The following FGD4 variants were observed in gnomAD, a reference collection of about 807,000 sequenced individuals.
FGD4 encodes FYVE, RhoGEF and PH domain containing 4, also known as FYVE, RhoGEF and PH domain-containing protein 4.
A neutral mutation model predicts 102.0 loss-of-function variants in FGD4; 42 were observed. That is an observed-to-expected ratio of 0.41 (90% CI 0.32 to 0.53). The LOEUF (loss-of-function observed/expected upper bound fraction) is 0.53. Among genes scored for constraint, FGD4 ranks in the 20% least tolerant of loss-of-function variants. FGD4 has a pLI of 0.21. For synonymous variants in FGD4, 380 were observed against 375.7 expected (o/e 1.01, Z -0.13); for missense variants, 902 against 1,078.2 (o/e 0.84, Z 2.29).
chr12:32,403,291 G>T (rs1324389253), intron 1 of FGD4, among the ~76,000 whole-genome samples: 1 of 152,126 alleles, frequency 6.6e-6, no homozygotes, highest in African/African-American at 2.4e-5. Flanking sequence ...TGAATGTGAA[G>T]CTCCCCATTT....
At chr12:32,453,222 TATAGATATATA>T (rs1565749128) in intron 1 of FGD4, among the ~76,000 whole-genome samples, 63 of 48,292 alleles carry the variant, frequency 1.3e-3, no homozygotes, top group South Asian at 3.6e-3. Context: ...ATATATATAA[TATAGATATATA>T]TATATTTTTT....
At chr12:32,579,051 T>TG (rs1341649666) in intron 3 of FGD4, among the ~76,000 whole-genome samples, 15 of 140,896 alleles carry the variant, frequency 1.1e-4, no homozygotes, top group African/African-American at 3.0e-4. Flanking sequence ...TTTTTTTTTT[T>TG]TTTTTTTTTT....
intron 1 of FGD4, among the ~76,000 whole-genome samples, chr12:32,432,477 A>G (rs753828010): frequency 5.0e-4 from 76 of 151,880 alleles, no homozygotes; most frequent in Non-Finnish European, 7.5e-4. Flanking sequence ...TTAGCTGGGC[A>G]TGATGGCACA....
chr12:32,444,954 T>C (rs1247315524), intron 1 of FGD4, among the ~76,000 whole-genome samples: 1 of 152,212 alleles, frequency 6.6e-6, no homozygotes. Flanking sequence ...TATTAGAATA[T>C]CATTTACCAA....
chr12:32,432,051 ATTTTTTT>A (rs60933809), intron 1 of FGD4, among the ~76,000 whole-genome samples: 13 of 107,726 alleles, frequency 1.2e-4, no homozygotes, highest in Admixed American at 8.2e-4. Flanking sequence ...TAATCCTAGC[ATTTTTTT>A]TTTTTTTTTT....
In FGD4 at chr12:32,619,757, A is replaced by T. The variant is rs1220106574; in HGVS notation, c.1809A>T (p.Thr603=). 6 of 1,614,042 alleles carry T rather than the reference A, an allele frequency of 3.7e-6. No homozygotes were observed. Among genetic ancestry groups the T allele is most frequent in the Non-Finnish European group, 5.1e-6 (6 of 1,180,028 alleles). Residue 603 remains threonine (T), a synonymous_variant, in exon 11 of 17, where the codon ACA becomes ACT. Coordinates refer to ENST00000534526, the MANE Select transcript of FGD4 (RefSeq NM_001370298.3). ...TCAGCTTGGTAGGCTCTAAATTCAC[A>T]GTTCGAACCAGGGTTGGCATTGATG... ...PKFSLVGSKF[T]VRTRVGIDGM...
At chr12:32,603,501 C>T (rs1347278775) in intron 7 of FGD4, among the ~76,000 whole-genome samples, 1 of 151,972 alleles carries the variant, frequency 6.6e-6, no homozygotes, top group Non-Finnish European at 1.5e-5. Flanking sequence ...AGCCATTCTC[C>T]TGCCTCAGCC....
intron 1 of FGD4, among the ~76,000 whole-genome samples, chr12:32,504,934 C>T (rs1938560880): frequency 6.6e-6 from 1 of 152,202 alleles, no homozygotes; most frequent in Non-Finnish European, 1.5e-5. Context: ...CTTAGTTTTT[C>T]ATACTATGTT....
chr12:32,598,642 C>A (rs1948099435), intron 5 of FGD4, 56 bp downstream of exon 5: 1 of 1,406,440 alleles, frequency 7.1e-7, no homozygotes, highest in Non-Finnish European at 1.0e-6. Context: ...ATCATTTTAA[C>A]CTAGTAATTA....
At chr12:32,603,134 A>G (rs1298610192) in intron 7 of FGD4, among the ~76,000 whole-genome samples, 2 of 152,102 alleles carry the variant, frequency 1.3e-5, no homozygotes, top group Non-Finnish European at 2.9e-5. Flanking sequence ...TTAAGTTTTT[A>G]TATGTTGTGA....
intron 1 of FGD4, among the ~76,000 whole-genome samples, chr12:32,426,212 G>A (rs1441294954): frequency 6.6e-6 from 1 of 152,116 alleles, no homozygotes; most frequent in Admixed American, 6.6e-5. Context: ...GTCATAAACA[G>A]CTCTTATTAT....
chr12:32,628,662 G>T (rs1210795822), intron 14 of FGD4, among the ~76,000 whole-genome samples: 1 of 152,084 alleles, frequency 6.6e-6, no homozygotes, highest in Non-Finnish European at 1.5e-5. Flanking sequence ...GCCGGGCATG[G>T]TGGTGCATGC....
At chr12:32,606,609 G>A (rs572888339) in intron 7 of FGD4, among the ~76,000 whole-genome samples, 1 of 151,984 alleles carries the variant, frequency 6.6e-6, no homozygotes, top group South Asian at 2.1e-4. Flanking sequence ...ACTTATCAGA[G>A]GTTGCATTAA....
intron 10 of FGD4, among the ~76,000 whole-genome samples, chr12:32,615,494 T>C (rs1044009706): frequency 7.9e-5 from 12 of 152,208 alleles, no homozygotes; most frequent in Non-Finnish European, 1.3e-4. Flanking sequence ...AGATTAACTA[T>C]AAAAGTTCTC....
At chr12:32,519,686 C>T (rs1940298852) in intron 1 of FGD4, among the ~76,000 whole-genome samples, 1 of 151,996 alleles carries the variant, frequency 6.6e-6, no homozygotes, top group African/African-American at 2.4e-5. Context: ...TCTTGTAATC[C>T]GAGCACTTTG....
At chr12:32,408,416 C>T (rs1941046800) in intron 1 of FGD4, among the ~76,000 whole-genome samples, 1 of 152,116 alleles carries the variant, frequency 6.6e-6, no homozygotes, top group Admixed American at 6.6e-5. Context: ...ATCCGCCCAC[C>T]ACGGCCTCAC....
intron 14 of FGD4, among the ~76,000 whole-genome samples, chr12:32,626,457 A>C (rs1335577764): frequency 6.6e-6 from 1 of 151,802 alleles, no homozygotes; most frequent in African/African-American, 2.4e-5. Flanking sequence ...AAAAAAAAAA[A>C]AAAAAAAAGG....
Position 32,602,318 on chromosome 12 carries a change from G to T in FGD4, c.1404+1G>T. 6.2e-7 allele frequency: 1 copy of T among 1,613,980 alleles called. No homozygotes were observed. Among genetic ancestry groups the T allele is most frequent in the Non-Finnish European group, 8.5e-7 (1 of 1,179,940 alleles). Reference sequence around the variant, plus strand: ...CAAATCAGTGGTTGAAGAAATTCAGGTAATAGGACTGTTTTGTTCAAAGCT... The same window carrying T: ...CAAATCAGTGGTTGAAGAAATTCAGTTAATAGGACTGTTTTGTTCAAAGCT... On this transcript the variant is annotated splice_donor_variant, in intron 7 of 16. Coordinates refer to ENST00000534526, the MANE Select transcript of FGD4 (RefSeq NM_001370298.3). LOFTEE classifies it high-confidence loss of function.
At chr12:32,414,160 CAG>C (rs1291429811) in intron 1 of FGD4, among the ~76,000 whole-genome samples, 1 of 151,990 alleles carries the variant, frequency 6.6e-6, no homozygotes, top group East Asian at 1.9e-4. Context: ...TTAGTAGAGA[CAG>C]TGTTTCACCA....
Sources: gnomAD v4.1 joint callset for allele counts (sites outside exome capture counted in the v4.1 genomes callset) on GRCh38, gnomAD v4.1.1 for gene constraint, MANE v1.5 for transcripts, NCBI Gene and HGNC (gene_info 2026-07-23, HGNC 2026-07-21) for gene names.